The following RASSF5 variants were observed in gnomAD, a reference collection of about 807,000 sequenced individuals.
The protein encoded by RASSF5 is ras association domain-containing protein 5.
Under a neutral mutation model 40.5 loss-of-function variants are expected in RASSF5, and 25 were observed. That is an observed-to-expected ratio of 0.62 (90% confidence interval 0.45 to 0.86). The LOEUF is 0.86. Among genes scored for constraint, RASSF5 ranks in the 40% least tolerant of loss-of-function variants. RASSF5 has a pLI of 0.00. For missense variants in RASSF5, 521 were observed against 572.8 expected (o/e 0.91, Z 0.92); for synonymous variants, 246 against 252.4 (o/e 0.97, Z 0.24).
At chr1:206,519,553 C>G (rs1416860114) in intron 1 of RASSF5, among the ~76,000 whole-genome samples, 1 of 152,190 alleles carries the variant, frequency 6.6e-6, no homozygotes, top group African/African-American at 2.4e-5. Context: ...GGGTCTGGAA[C>G]CTGCTTCTCT....
chr1:206,524,039 A>G (rs1553396702), intron 1 of RASSF5, among the ~76,000 whole-genome samples: 1 of 119,534 alleles, frequency 8.4e-6, no homozygotes, highest in Admixed American at 1.1e-4. Flanking sequence ...CATATATAAT[A>G]TATTTTATAT....
intron 2 of RASSF5, among the ~76,000 whole-genome samples, chr1:206,578,235 T>A (rs913251647): frequency 4.7e-5 from 4 of 84,650 alleles, no homozygotes; most frequent in African/African-American, 1.5e-4. Flanking sequence ...AAAAAAAAAG[T>A]GTGTGTGTGT....
intron 1 of RASSF5, among the ~76,000 whole-genome samples, 188 bp downstream of exon 1, chr1:206,508,247 C>T (rs1052245870): frequency 1.3e-5 from 2 of 152,122 alleles, no homozygotes; most frequent in Admixed American, 1.3e-4. Flanking sequence ...TCCTTTAGTG[C>T]CTGCCCACTA....
chr1:206,512,459 G>T (rs976848464), intron 1 of RASSF5, among the ~76,000 whole-genome samples: 8 of 152,226 alleles, frequency 5.3e-5, no homozygotes. Context: ...AGTCAAAAAT[G>T]ATTAATGCCA....
intron 2 of RASSF5, chr1:206,557,720 C>G (rs782515055): frequency 6.2e-7 from 1 of 1,611,820 alleles, no homozygotes; most frequent in South Asian, 1.1e-5. Context: ...AATGCAGGAG[C>G]CTTTCGTGGG....
Position 206,535,713 on chromosome 1 carries a change from GT to G in RASSF5, c.458-2458del, listed in dbSNP as rs1667368896. ...TGTGTGTGTGTGTGTCTGTGTGTGT[GT>G]GGTGTGTGTGTGTGTGTGTGTGTGT... is the stretch of plus-strand genomic sequence containing the variant. On this transcript the variant is annotated intron_variant, in intron 1 of 5. Coordinates refer to ENST00000579436, the MANE Select transcript of RASSF5 (RefSeq NM_182663.4). This position sits in a 1 kb window ranked among gnomAD's most constrained non-coding sequence, Gnocchi z 5.0. 2.1e-5 allele frequency among the ~76,000 whole-genome samples: 1 copy of G among 46,678 alleles called. No individual in the cohort carries two copies. The highest frequency in any genetic ancestry group is 4.7e-5 in the Non-Finnish European group (1 of 21,080). 30.6% of individuals were successfully genotyped at this position (46,678 alleles called of 152,430 possible).
chr1:206,530,658 A>G (rs1667215527), intron 1 of RASSF5, among the ~76,000 whole-genome samples: 1 of 152,160 alleles, frequency 6.6e-6, no homozygotes, highest in African/African-American at 2.4e-5. Flanking sequence ...ATGTTGGAGG[A>G]AGGGTGAGTA....
chr1:206,559,885 A>C (rs1301948222), intron 2 of RASSF5, among the ~76,000 whole-genome samples: 1 of 152,152 alleles, frequency 6.6e-6, no homozygotes, highest in Non-Finnish European at 1.5e-5. Flanking sequence ...TGGACTGAGG[A>C]GGGTGAGGCA....
intron 1 of RASSF5, among the ~76,000 whole-genome samples, chr1:206,516,695 G>T (rs913985777): frequency 2.8e-4 from 43 of 152,196 alleles, no homozygotes; most frequent in African/African-American, 1.0e-3. Flanking sequence ...CTGACCTTGT[G>T]ATCCGCCTGC....
rs1669199256 is a variant in RASSF5 at position 206,588,122 on chromosome 1, C to T, written c.*1144C>T. ...CCGGTGGGCCTGGCCTCCCCGTCGACCTCAGTGCCTTTTTGTTTTCAGAGA... is the reference window on the plus strand; with the variant it reads ...CCGGTGGGCCTGGCCTCCCCGTCGATCTCAGTGCCTTTTTGTTTTCAGAGA... On this transcript the variant is annotated 3_prime_UTR_variant, in exon 6 of 6. Coordinates refer to ENST00000579436, the MANE Select transcript of RASSF5 (RefSeq NM_182663.4). 1 of 152,830 alleles carries T rather than the reference C, an allele frequency of 6.5e-6. No individual in the cohort carries two copies. The highest frequency in any genetic ancestry group is 2.1e-4 in the South Asian group (1 of 4,834). The allele number at this position is 152,830 out of a possible 1,614,324, so 9.5% of individuals were successfully genotyped here. A position where few individuals can be genotyped will look rare whatever the true frequency, so the allele number is the denominator to read the frequency against.
intron 2 of RASSF5, among the ~76,000 whole-genome samples, chr1:206,561,039 C>T (rs147570609): frequency 1.2e-3 from 187 of 152,290 alleles, no homozygotes; most frequent in African/African-American, 4.1e-3. Flanking sequence ...GACATCTGAG[C>T]GGGAACACAG....
At chr1:206,523,361 T>C (rs1390649285) in intron 1 of RASSF5, among the ~76,000 whole-genome samples, 4 of 128,348 alleles carry the variant, frequency 3.1e-5, no homozygotes, top group African/African-American at 1.2e-4. Context: ...TTTTATATAT[T>C]ATATAATATA....
At chr1:206,578,597 A>C (rs1668747279) in intron 2 of RASSF5, among the ~76,000 whole-genome samples, 2 of 152,182 alleles carry the variant, frequency 1.3e-5, no homozygotes, top group South Asian at 4.1e-4. Flanking sequence ...ATTTAAAAAG[A>C]GTGAGAGTGA....
chr1:206,546,792 T>C (rs1312806452), intron 2 of RASSF5, among the ~76,000 whole-genome samples: 1 of 152,254 alleles, frequency 6.6e-6, no homozygotes, highest in Non-Finnish European at 1.5e-5. Flanking sequence ...TTATGAAGTG[T>C]TGAATATCTC....
At chr1:206,564,448 G>T (rs1668229444) in intron 2 of RASSF5, among the ~76,000 whole-genome samples, 1 of 152,144 alleles carries the variant, frequency 6.6e-6, no homozygotes, top group Non-Finnish European at 1.5e-5. Context: ...TACAGTTTGG[G>T]ACACATAATA....
Position 206,567,712 on chromosome 1 carries a change from A to G in RASSF5, c.580-15557A>G, listed in dbSNP as rs187944732. 5.2e-3 allele frequency among the ~76,000 whole-genome samples: 788 copies of G among 152,080 alleles called. 5 individuals are homozygous for G. Among genetic ancestry groups the G allele is most frequent in the Middle Eastern group, 0.031 (9 of 294 alleles). On this transcript the variant is annotated intron_variant, in intron 2 of 5. Transcript: ENST00000579436. ...TAGGGCTCATGACTGGGGTGTGTGGAGGTATAAGGCTGTGTTCACAGACAA... is the reference window on the plus strand; with the variant it reads ...TAGGGCTCATGACTGGGGTGTGTGGGGGTATAAGGCTGTGTTCACAGACAA...
rs782782706 is a variant in RASSF5, at chr1:206,507,985, T to A, written c.383T>A (p.Leu128Ter). 13 of 1,533,038 alleles carry A rather than the reference T, an allele frequency of 8.5e-6. No individual in the cohort carries two copies. The South Asian group carries it at 1.6e-4, about 19-fold the overall frequency. The allele number at this position is 1,533,038 out of a possible 1,614,324, so 95.0% of individuals were successfully genotyped here. A position where few individuals can be genotyped will look rare whatever the true frequency, so the allele number is the denominator to read the frequency against. The change falls in exon 1 of 6, where the codon TTG becomes TAG. Residue 128 changes from leucine to a stop codon, truncating the protein, a stop_gained. Coordinates refer to ENST00000579436, the MANE Select transcript of RASSF5 (RefSeq NM_182663.4). LOFTEE classifies it high-confidence loss of function. The stretch of plus-strand genomic sequence containing the variant: ...GGCGAGGGGCACTGCTTCGCCGAGT[T>A]GGTGCTGCCGGGCGGCCCCGGCTGG... ...ERGEGHCFAE[L>*]VLPGGPGWCD...
chr1:206,544,713 C>T (rs1667630537), intron 2 of RASSF5: 1 of 152,522 alleles, frequency 6.6e-6, no homozygotes, highest in African/African-American at 2.4e-5. Flanking sequence ...CCTACACCCC[C>T]AACCCCAAAC....
In RASSF5 at chr1:206,581,676, A is replaced by G. The variant is rs533743959; in HGVS notation, c.580-1593A>G. Among the ~76,000 whole-genome samples the G allele has an allele frequency of 1.5e-3, 230 of 151,944 alleles. 1 individual carries two copies. Among genetic ancestry groups the G allele is most frequent in the African/African-American group, 5.3e-3 (221 of 41,376 alleles). ...GAAAGAAAAGGAAGGAAGGAAGGAAAGAAAGAAAGGAGGATGTCAGCTGTG... is the reference window on the plus strand; with the variant it reads ...GAAAGAAAAGGAAGGAAGGAAGGAAGGAAAGAAAGGAGGATGTCAGCTGTG... On this transcript the variant is annotated intron_variant, in intron 2 of 5. Transcript: ENST00000579436.
Sources: gnomAD v4.1 joint callset for allele counts (sites outside exome capture counted in the v4.1 genomes callset) on GRCh38, gnomAD v4.1.1 for gene constraint, Gnocchi (gnomAD v3.1) non-coding constraint, MANE v1.5 for transcripts, NCBI Gene and HGNC (gene_info 2026-07-23, HGNC 2026-07-21) for gene names.